VAV3: variants seen among roughly 807,000 people sequenced by gnomAD.
VAV3 encodes the protein vav guanine nucleotide exchange factor 3.
A neutral mutation model predicts 131.2 loss-of-function variants in VAV3; 94 were observed. That is an observed-to-expected ratio of 0.72 (90% CI 0.61 to 0.85). The LOEUF is 0.85. Among genes scored for constraint, VAV3 ranks in the 40% least tolerant of loss-of-function variants. The pLI is 0.00. For synonymous variants in VAV3, 349 were observed against 342.0 expected, an observed-to-expected ratio of 1.02 and a Z score of -0.22; for missense variants, 939 against 1,002.7, an observed-to-expected ratio of 0.94 and a Z score of 0.86.
chr1:107,632,932 C>A (rs1166541646), intron 20 of VAV3, among the ~76,000 whole-genome samples: 1 of 152,148 alleles, frequency 6.6e-6, no homozygotes, highest in Non-Finnish European at 1.5e-5. Flanking sequence ...CATTCTAATA[C>A]TATACCAGAA....
At chr1:107,726,489 A>G (rs1661846565) in intron 15 of VAV3, among the ~76,000 whole-genome samples, 1 of 152,176 alleles carries the variant, frequency 6.6e-6, no homozygotes, top group East Asian at 1.9e-4. Flanking sequence ...CATTGATTAA[A>G]TTAATCAATC....
chr1:107,900,037 G>T (rs928813163), intron 1 of VAV3, among the ~76,000 whole-genome samples: 2 of 152,066 alleles, frequency 1.3e-5, no homozygotes, highest in Non-Finnish European at 2.9e-5. Flanking sequence ...GCAGGCATTT[G>T]TAGCTCACTA....
chr1:107,658,335 A>G (rs942644458), intron 19 of VAV3, among the ~76,000 whole-genome samples: 1 of 152,158 alleles, frequency 6.6e-6, no homozygotes, highest in African/African-American at 2.4e-5. Flanking sequence ...CATTTTCTTG[A>G]TCCAGTCTAT....
chr1:107,795,147 A>C (rs1361004500), intron 2 of VAV3, among the ~76,000 whole-genome samples: 1 of 152,220 alleles, frequency 6.6e-6, no homozygotes, highest in Non-Finnish European at 1.5e-5. Context: ...AGCCACTCTG[A>C]AGGCAGACAA....
At chr1:107,691,588 T>G (rs896735584) in intron 17 of VAV3, among the ~76,000 whole-genome samples, 2 of 152,188 alleles carry the variant, frequency 1.3e-5, no homozygotes, top group Non-Finnish European at 2.9e-5. Context: ...AGGATTGTAA[T>G]TCAATTCTTC....
chr1:107,925,690 A>T (rs1479660380), intron 1 of VAV3, among the ~76,000 whole-genome samples: 1 of 152,140 alleles, frequency 6.6e-6, no homozygotes, highest in Non-Finnish European at 1.5e-5. Context: ...GGGGAATAGG[A>T]AATTACTGTT....
intron 1 of VAV3, among the ~76,000 whole-genome samples, chr1:107,937,922 T>G (rs1157568475): frequency 2.0e-5 from 3 of 152,190 alleles, no homozygotes; most frequent in Non-Finnish European, 2.9e-5. Flanking sequence ...AAGGCTCTTG[T>G]GATCAAGTTC....
At chr1:107,842,017 T>C (rs1407568254) in intron 2 of VAV3, among the ~76,000 whole-genome samples, 1 of 152,162 alleles carries the variant, frequency 6.6e-6, no homozygotes, top group East Asian at 1.9e-4. Context: ...ATTATTCTAG[T>C]TTCACTACCT....
chr1:107,621,871 T>C (rs1451556838), intron 20 of VAV3, among the ~76,000 whole-genome samples: 3 of 152,180 alleles, frequency 2.0e-5, no homozygotes, highest in Non-Finnish European at 4.4e-5. Flanking sequence ...GCATTTATTC[T>C]GCAGGGCATC....
At chr1:107,652,716 T>C (rs1427510978) in intron 19 of VAV3, among the ~76,000 whole-genome samples, 6 of 152,200 alleles carry the variant, frequency 3.9e-5, no homozygotes, top group Admixed American at 2.0e-4. Flanking sequence ...TCAGTTATTA[T>C]TGGTATTATA....
chr1:107,737,633 T>C (rs1662739528), intron 15 of VAV3, among the ~76,000 whole-genome samples: 1 of 152,020 alleles, frequency 6.6e-6, no homozygotes, highest in South Asian at 2.1e-4. Flanking sequence ...GTCAGAGAAA[T>C]GCAAATCAAA....
intron 2 of VAV3, among the ~76,000 whole-genome samples, chr1:107,820,329 G>A (rs1479812196): frequency 6.6e-6 from 1 of 152,074 alleles, no homozygotes; most frequent in Non-Finnish European, 1.5e-5. Context: ...TAGAACTGGA[G>A]GACATTATGC....
intron 19 of VAV3, among the ~76,000 whole-genome samples, chr1:107,647,629 G>A (rs1270790281): frequency 1.3e-5 from 2 of 151,854 alleles, no homozygotes; most frequent in African/African-American, 2.4e-5. Flanking sequence ...TCTTGGGTAG[G>A]ACCCTAAAAC....
chr1:107,571,495 C>A lies in VAV3; in HGVS notation c.*1836G>T, dbSNP rs558637805. On this transcript the variant is annotated 3_prime_UTR_variant, in exon 27 of 27. Transcript: ENST00000370056. The stretch of plus-strand genomic sequence containing the variant: ...GGTCTATTGACTAAAATAAACAATA[C>A]ATGCTACAATACCATCCACAGGAGT... 3.8e-4 allele frequency: 58 copies of A among 152,676 alleles called. No individual in the cohort carries two copies. The highest frequency in any genetic ancestry group is 1.3e-3 in the African/African-American group (56 of 41,548). The allele number at this position is 152,676 out of a possible 1,614,324, so 9.5% of individuals were successfully genotyped here.
intron 19 of VAV3, chr1:107,669,012 A>C (rs911588708): frequency 2.5e-5 from 26 of 1,047,948 alleles, no homozygotes; most frequent in Middle Eastern, 9.2e-4. Flanking sequence ...AGCGCTGACT[A>C]TACAGAGAAA....
rs546336115 is a variant in VAV3, at chr1:107,707,884, C to A, written c.1503-2823G>T. Among the ~76,000 whole-genome samples, 37 of 152,258 alleles carry A rather than the reference C, an allele frequency of 2.4e-4. No homozygotes were observed. The South Asian group carries it at 7.7e-3, about 32-fold the overall frequency. ...GAAGACGACAGAAATGTCAGGATTACAGATTTGGAGAAACAAAAAATTAAA... is the reference window on the plus strand; with the variant it reads ...GAAGACGACAGAAATGTCAGGATTAAAGATTTGGAGAAACAAAAAATTAAA... On this transcript the variant is annotated intron_variant, in intron 15 of 26. Coordinates refer to ENST00000370056, the MANE Select transcript of VAV3 (RefSeq NM_006113.5).
chr1:107,607,573 A>G (rs1043642047), intron 22 of VAV3, among the ~76,000 whole-genome samples: 3 of 152,092 alleles, frequency 2.0e-5, no homozygotes, highest in African/African-American at 7.2e-5. Flanking sequence ...TATACCTTCT[A>G]ACTCCAGTGT....
chr1:107,583,313 G>GA (rs1483234653), intron 25 of VAV3, among the ~76,000 whole-genome samples: 1 of 152,160 alleles, frequency 6.6e-6, no homozygotes, highest in Admixed American at 6.5e-5. Context: ...TACTGAATGC[G>GA]AAAAAACTGG....
intron 2 of VAV3, among the ~76,000 whole-genome samples, chr1:107,843,537 G>GTA (rs1553218250): frequency 5.4e-4 from 79 of 147,552 alleles, no homozygotes; most frequent in African/African-American, 1.8e-3. Flanking sequence ...GTGTGTGTGT[G>GTA]TATATATATA....
Sources: allele counts gnomAD v4.1 joint callset (sites outside exome capture counted in the v4.1 genomes callset), GRCh38; gene constraint gnomAD v4.1.1; transcripts MANE v1.5; gene names NCBI Gene and HGNC (gene_info 2026-07-23, HGNC 2026-07-21).